Variants in MICB observed in about 807,000 individuals in gnomAD.
MICB encodes MHC class I polypeptide-related sequence B.
In MICB, 27 loss-of-function variants were observed where a neutral mutation model predicts 34.3. The ratio of observed to expected loss-of-function variants is 0.79; its 90% CI spans 0.58 to 1.08. The LOEUF is 1.08. MICB is among the 50% of genes least tolerant of loss of function. MICB has a pLI of 0.00. For synonymous variants in MICB, 153 were observed against 187.4 expected (o/e 0.82, Z 1.50); for missense variants, 426 against 483.1 (o/e 0.88, Z 1.11).
intron 1 of MICB, among the ~76,000 whole-genome samples, chr6:31,504,988 A>G (rs1405891895): frequency 1.3e-5 from 2 of 152,114 alleles, no homozygotes; most frequent in African/African-American, 4.8e-5. Context: ...TGGTCCATCC[A>G]ATTGCTGTCC....
Position 31,509,165 on chromosome 6 carries a change from G to A in MICB, c.1025-617G>A, listed in dbSNP as rs140607598. On this transcript the variant is annotated intron_variant, in intron 5 of 5. Transcript: ENST00000252229. ...CAGGTCACAGGCCTAGGTGGGTGCT[G>A]AAGGTCATGGGAGGCCAGGCCTCCT... 3.2e-3 allele frequency among the ~76,000 whole-genome samples: 489 copies of A among 152,350 alleles called. 1 individual carries two copies. The highest frequency in any genetic ancestry group is 0.02 in the Middle Eastern group (6 of 294).
rs1353867414 is a variant in MICB at position 31,498,176 on chromosome 6, G to T, written c.-18G>T. 2 of 1,574,360 alleles carry T rather than the reference G, an allele frequency of 1.3e-6. No individual in the cohort carries two copies. Among genetic ancestry groups the T allele is most frequent in the Non-Finnish European group, 1.7e-6 (2 of 1,158,008 alleles). ...TTGGCCACTGCTGAGCAGCTGAGAAGGTGGCGACGTAGGGGCCATGGGGCT... is the reference window on the plus strand; with the variant it reads ...TTGGCCACTGCTGAGCAGCTGAGAATGTGGCGACGTAGGGGCCATGGGGCT... On this transcript the variant is annotated 5_prime_UTR_variant, in exon 1 of 6. It adds an upstream start codon to the 5' untranslated region. Coordinates refer to ENST00000252229, the MANE Select transcript of MICB (RefSeq NM_005931.5).
chr6:31,505,985 A>G (rs1330012331), intron 2 of MICB, 114 bp downstream of exon 2: 8 of 1,473,670 alleles, frequency 5.4e-6, no homozygotes, highest in Non-Finnish European at 7.2e-6. Flanking sequence ...GATGAGGAAT[A>G]GGGTCAGGGA....
At chr6:31,506,490 C>T (rs1486426704) in intron 3 of MICB, 60 bp downstream of exon 3, 1 of 1,559,368 alleles carries the variant, frequency 6.4e-7, no homozygotes, top group Non-Finnish European at 8.7e-7. Context: ...TGCCTCGCCT[C>T]CCAGCTCTGT....
chr6:31,498,032 G>T, upstream of MICB: 1 of 410,800 alleles, frequency 2.4e-6, no homozygotes, highest in Admixed American at 4.7e-5. Context: ...ACGTGGCCCC[G>T]CCCTCTCCAC....
At chr6:31,498,054 CCT>C (rs3842620), upstream of MICB, 165,570 of 526,866 alleles carry the variant, frequency 0.31, 26,864 homozygotes, top group African/African-American at 0.38. Flanking sequence ...CATGATTGGC[CCT>C]AAGTTCCGGG....
In MICB at chr6:31,507,651, C is replaced by A; in HGVS notation, c.1024+120C>A. On this transcript the variant is annotated intron_variant, in intron 5 of 5. Coordinates refer to ENST00000252229, the MANE Select transcript of MICB (RefSeq NM_005931.5). The surrounding 1 kb of genome is among the most constrained non-coding windows in gnomAD (Gnocchi z 6.0). ...AGGCTGCTGGGACAGGGGATGGAAG[C>A]TGGGGTATTTGGGAGGGGAATGGGA... The A allele has an allele frequency of 7.9e-7, 1 of 1,259,476 alleles. No homozygotes were observed. The highest frequency in any genetic ancestry group is 1.1e-6 in the Non-Finnish European group (1 of 891,896). The allele number at this position is 1,259,476 out of a possible 1,614,324, so 78.0% of individuals were successfully genotyped here. A position where few individuals can be genotyped will look rare whatever the true frequency, so the allele number is the denominator to read the frequency against.
chr6:31,501,549 A>G (rs191161773), intron 1 of MICB, among the ~76,000 whole-genome samples: 50 of 152,218 alleles, frequency 3.3e-4, no homozygotes, highest in African/African-American at 1.1e-3. Flanking sequence ...TTTCTTTCAT[A>G]GTTTTCATAG....
At chr6:31,499,460 C>T (rs1428629903) in intron 1 of MICB, among the ~76,000 whole-genome samples, 2 of 151,918 alleles carry the variant, frequency 1.3e-5, no homozygotes, top group African/African-American at 4.8e-5. Context: ...ATGGGCCTTT[C>T]CTGCAAGCAG....
intron 1 of MICB, among the ~76,000 whole-genome samples, chr6:31,504,388 T>A (rs1299534418): frequency 2.0e-5 from 3 of 149,538 alleles, no homozygotes; most frequent in African/African-American, 4.9e-5. Flanking sequence ...GCCTCCCGAG[T>A]AGCTGGGACT....
chr6:31,505,224 G>A lies in MICB; in HGVS notation c.71-393G>A, dbSNP rs374837478. On this transcript the variant is annotated intron_variant, in intron 1 of 5. Coordinates refer to ENST00000252229, the MANE Select transcript of MICB (RefSeq NM_005931.5). ...TCACCTGTGCACCACAGCCACACTG[G>A]ACATGGGTCCCTCTGAGCCTGAGTC... Among the ~76,000 whole-genome samples the A allele has an allele frequency of 6.6e-5, 10 of 152,044 alleles. No homozygotes were observed. In the East Asian group the frequency reaches 1.7e-3, roughly 26 times the overall value.
chr6:31,503,949 C>CTGTTTGTGTGTG (rs28751333), intron 1 of MICB, among the ~76,000 whole-genome samples: 4,695 of 97,484 alleles, frequency 0.048, 165 homozygotes, highest in South Asian at 0.11. Flanking sequence ...GCCAAACTTG[C>CTGTTTGTGTGTG]TGTGTGTGTG....
upstream of MICB, among the ~76,000 whole-genome samples, chr6:31,497,676 T>C (rs1035247793): frequency 6.6e-5 from 10 of 152,270 alleles, no homozygotes; most frequent in African/African-American, 2.4e-4. Context: ...CTGGTCTCAT[T>C]GCAGTAACGC....
chr6:31,504,646 C>G (rs1373698842), intron 1 of MICB, among the ~76,000 whole-genome samples: 1 of 152,010 alleles, frequency 6.6e-6, no homozygotes, highest in Non-Finnish European at 1.5e-5. Context: ...TGATTGTGCC[C>G]TTTGATGCAC....
chr6:31,500,413 T>A (rs890218409), intron 1 of MICB, among the ~76,000 whole-genome samples: 1 of 152,226 alleles, frequency 6.6e-6, no homozygotes, highest in African/African-American at 2.4e-5. Flanking sequence ...GTAAATGGGT[T>A]ATCTATCACA....
rs1582872907 is a variant in MICB at position 31,503,992 on chromosome 6, T to C, written c.71-1625T>C. Reference sequence around the variant, plus strand: ...GTGTGTGTGTGTGTGTGTGTGATAATAGCCACCCTGATTGGTTTGAAGTGG... The same window carrying C: ...GTGTGTGTGTGTGTGTGTGTGATAACAGCCACCCTGATTGGTTTGAAGTGG... On this transcript the variant is annotated intron_variant, in intron 1 of 5. Transcript: ENST00000252229. Among the ~76,000 whole-genome samples, 3 of 150,550 alleles carry C rather than the reference T, an allele frequency of 2.0e-5. No homozygotes were observed. In the East Asian group the frequency reaches 5.9e-4, roughly 30 times the overall value.
intron 5 of MICB, among the ~76,000 whole-genome samples, chr6:31,508,499 A>G (rs1368379620): frequency 6.6e-6 from 1 of 152,198 alleles, no homozygotes; most frequent in African/African-American, 2.4e-5. Context: ...TTGCACTGTC[A>G]GTCGGCCCCT....
Position 31,504,385 on chromosome 6 carries a change from G to A in MICB, c.71-1232G>A, listed in dbSNP as rs3020831. Among the ~76,000 whole-genome samples the A allele has an allele frequency of 1.4e-3, 204 of 146,710 alleles. 1 individual carries two copies. Among genetic ancestry groups the A allele is most frequent in the Admixed American group, 5.0e-3 (71 of 14,174 alleles). Reference sequence around the variant, plus strand: ...TGCCATTCTCCCGCCTCAGCCTCCCGAGTAGCTGGGACTACAGGCGCCCGC... The same window carrying A: ...TGCCATTCTCCCGCCTCAGCCTCCCAAGTAGCTGGGACTACAGGCGCCCGC... On this transcript the variant is annotated intron_variant, in intron 1 of 5. Coordinates refer to ENST00000252229, the MANE Select transcript of MICB (RefSeq NM_005931.5).
At chr6:31,498,297 G>A (rs1764792564) in intron 1 of MICB, 34 bp downstream of exon 1, 3 of 1,505,296 alleles carry the variant, frequency 2.0e-6, no homozygotes, top group Non-Finnish European at 2.7e-6. Context: ...CCGGCGGAGC[G>A]GGAGCGGCGG....
Sources: allele counts gnomAD v4.1 joint callset (sites outside exome capture counted in the v4.1 genomes callset), GRCh38; gene constraint gnomAD v4.1.1; non-coding constraint Gnocchi (gnomAD v3.1); transcripts MANE v1.5; gene names NCBI Gene and HGNC (gene_info 2026-07-23, HGNC 2026-07-21).